The following PDIA4 variants were observed in gnomAD, a reference collection of about 807,000 sequenced individuals.
The protein encoded by PDIA4 is protein disulfide isomerase family A member 4, also known as protein disulfide-isomerase A4.
Under a neutral mutation model 62.1 loss-of-function variants are expected in PDIA4, and 33 were observed. The observed-to-expected ratio is 0.53, with a 90% CI of 0.40 to 0.71. The LOEUF (loss-of-function observed/expected upper bound fraction) is 0.71. PDIA4 is among the 30% of genes least tolerant of loss of function. The pLI, the probability that PDIA4 is intolerant of heterozygous loss-of-function variation, is 0.00. For synonymous variants in PDIA4, 341 were observed against 324.1 expected (o/e 1.05, Z -0.56); for missense variants, 804 against 813.6 (o/e 0.99, Z 0.14).
At chr7:149,005,034 G>C in intron 9 of PDIA4, 107 bp downstream of exon 9, 1 of 808,042 alleles carries the variant, frequency 1.2e-6, no homozygotes, top group Admixed American at 1.8e-5. Context: ...CTGACTTAAG[G>C]GGGTGTCGTG....
In PDIA4 at chr7:149,021,756, C is replaced by T. The variant is rs142660561; in HGVS notation, c.89-609G>A. The stretch of plus-strand genomic sequence containing the variant: ...ACAGACTACCCTACCCTTCCAGAGT[C>T]GCGGCCCCCTGCCTTGCTCTGCAAA... On this transcript the variant is annotated intron_variant, in intron 1 of 9. Coordinates refer to ENST00000652332, the MANE Select transcript of PDIA4 (RefSeq NM_004911.5). Among the ~76,000 whole-genome samples, 91 of 152,246 alleles carry T rather than the reference C, an allele frequency of 6.0e-4. 2 individuals are homozygous for T. The highest frequency in any genetic ancestry group is 2.0e-3 in the African/African-American group (81 of 41,536).
chr7:149,023,891 C>G lies in PDIA4; in HGVS notation c.89-2744G>C, dbSNP rs141601075. 1.7e-3 allele frequency among the ~76,000 whole-genome samples: 260 copies of G among 152,276 alleles called. 2 individuals carry two copies. Among genetic ancestry groups the G allele is most frequent in the African/African-American group, 5.8e-3 (239 of 41,556 alleles). ...CAGAGCTCTCATGATTAAGTGGGAG[C>G]TGACTAGTCACCATGGGACACAGCA... On this transcript the variant is annotated intron_variant, in intron 1 of 9. Transcript: ENST00000652332.
chr7:149,004,078 C>T lies in PDIA4; in HGVS notation c.1654G>A (p.Ala552Thr), dbSNP rs746441871. 6.2e-6 allele frequency: 10 copies of T among 1,614,032 alleles called. No homozygotes were observed. Among genetic ancestry groups the T allele is most frequent in the South Asian group, 3.3e-5 (3 of 91,086 alleles). ...TGCTTGCAGTGCCCGCACCATGGCG[C>T]GTAGAACTCGATGAGGACGTCCTTC... ...PKKDVLIEFY[A>T]PWCGHCKQLE... The change falls in exon 10 of 10, where the codon GCG becomes ACG. Residue 552 changes from alanine to threonine, a missense_variant. Transcript: ENST00000652332.
At chr7:149,022,089 C>CA (rs1305023584) in intron 1 of PDIA4, among the ~76,000 whole-genome samples, 8 of 152,156 alleles carry the variant, frequency 5.3e-5, no homozygotes, top group Non-Finnish European at 7.3e-5. Flanking sequence ...AACAAGTACT[C>CA]AATCTTTTCA....
At chr7:149,009,548 G>A (rs1435883028) in intron 6 of PDIA4, among the ~76,000 whole-genome samples, 4 of 152,246 alleles carry the variant, frequency 2.6e-5, no homozygotes, top group Middle Eastern at 3.4e-3. Context: ...TCCGAATGAA[G>A]TTCTTTGGCT....
intron 2 of PDIA4, 31 bp from the exon 3 acceptor site, chr7:149,019,228 G>A (rs56932055): frequency 0.19 from 275,735 of 1,463,430 alleles, 27,473 homozygotes; most frequent in Middle Eastern, 0.28. Context: ...GGCAAAAAAC[G>A]TTAACTGTAC....
At chr7:149,018,951 G>A (rs762519137) in intron 3 of PDIA4, 41 bp downstream of exon 3, 49 of 1,461,988 alleles carry the variant, frequency 3.4e-5, no homozygotes, top group Admixed American at 5.1e-5. Flanking sequence ...CATTCCCTGC[G>A]GGAAGGAGTT....
chr7:149,016,440 A>C (rs1824142152), intron 3 of PDIA4, among the ~76,000 whole-genome samples: 1 of 152,172 alleles, frequency 6.6e-6, no homozygotes, highest in Admixed American at 6.5e-5. Flanking sequence ...AAATGAGAAA[A>C]TCTCTCTCAG....
At chr7:149,023,638 G>A (rs1236514635) in intron 1 of PDIA4, among the ~76,000 whole-genome samples, 5 of 151,980 alleles carry the variant, frequency 3.3e-5, no homozygotes, top group Admixed American at 2.6e-4. Context: ...GAGGAAGGTC[G>A]GAAATAATGC....
In PDIA4 at chr7:149,021,067, C is replaced by A. The variant is rs1191969751; in HGVS notation, c.169G>T (p.Glu57Ter). 6.2e-7 allele frequency: 1 copy of A among 1,614,070 alleles called. No individual in the cohort carries two copies. Among genetic ancestry groups the A allele is most frequent in the Admixed American group, 1.7e-5 (1 of 60,020 alleles). Residue 57 changes from glutamate to a stop codon, truncating the protein, a stop_gained, in exon 2 of 10, where the codon GAA becomes TAA. Transcript: ENST00000652332. LOFTEE classifies it high-confidence loss of function. ...EDDDEEEDDL[E>*]VKEENGVLVL... The stretch of plus-strand genomic sequence containing the variant: ...AAGACTCCATTTTCTTCCTTAACTT[C>A]CAAGTCGTCTTCTTCCTCATCATCA...
At chr7:149,010,641 T>A (rs1823912607) in intron 6 of PDIA4, among the ~76,000 whole-genome samples, 1 of 152,140 alleles carries the variant, frequency 6.6e-6, no homozygotes, top group South Asian at 2.1e-4. Context: ...CCACAGACCC[T>A]TTCATCCCCC....
At chr7:149,014,612 C>T (rs553600804) in intron 4 of PDIA4, among the ~76,000 whole-genome samples, 1 of 152,296 alleles carries the variant, frequency 6.6e-6, no homozygotes, top group South Asian at 2.1e-4. Flanking sequence ...GCAGCTCAGA[C>T]CAGCCACTGT....
intron 4 of PDIA4, 31 bp downstream of exon 4, chr7:149,014,873 T>C (rs905913163): frequency 1.2e-6 from 2 of 1,611,322 alleles, no homozygotes; most frequent in East Asian, 2.2e-5. Flanking sequence ...ACCAGGGTAC[T>C]GAATATGGAA....
At chr7:149,018,890 A>C (rs930340544) in intron 3 of PDIA4, 102 bp downstream of exon 3, 10 of 506,434 alleles carry the variant, frequency 2.0e-5, no homozygotes, top group Non-Finnish European at 3.2e-5. Context: ...GGTTCCTGAG[A>C]AAGTCAGTCC....
intron 2 of PDIA4, among the ~76,000 whole-genome samples, chr7:149,020,092 C>T (rs1824289580): frequency 6.6e-6 from 1 of 152,142 alleles, no homozygotes. Context: ...TCCCGAATAG[C>T]CGGGACTACA....
rs1411825567 is a variant in PDIA4 at position 149,012,345 on chromosome 7, C to T, written c.630G>A (p.Lys210=). The T allele has an allele frequency of 6.2e-7, 1 of 1,613,260 alleles. No homozygotes were observed. Among genetic ancestry groups the T allele is most frequent in the Non-Finnish European group, 8.5e-7 (1 of 1,179,990 alleles). ...CCTTCTCATACTCGGGGGCAAGTTT[C>T]TTGCAGTGTCCACACCTGCCAAGAG... ...EFYAPWCGHC[K]KLAPEYEKAA... is the part of the protein sequence containing the mutation. Residue 210 remains lysine (K), a synonymous_variant, in exon 5 of 10, where the codon AAG becomes AAA. Transcript: ENST00000652332.
chr7:149,023,519 G>A (rs947762900), intron 1 of PDIA4, among the ~76,000 whole-genome samples: 4 of 151,952 alleles, frequency 2.6e-5, no homozygotes, highest in Non-Finnish European at 4.4e-5. Flanking sequence ...CAGGGGCCCC[G>A]GCTGGCAGTT....
chr7:149,011,562 G>A (rs1291858959), intron 6 of PDIA4, among the ~76,000 whole-genome samples: 1 of 152,188 alleles, frequency 6.6e-6, no homozygotes, highest in Non-Finnish European at 1.5e-5. Context: ...TCAGAGGCCG[G>A]CACCTTATGG....
intron 1 of PDIA4, among the ~76,000 whole-genome samples, chr7:149,023,931 CTTCT>C (rs1228365755): frequency 6.6e-6 from 1 of 152,154 alleles, no homozygotes; most frequent in Non-Finnish European, 1.5e-5. Context: ...TAAGAGGCAA[CTTCT>C]TTCTTGACCC....
Sources: gnomAD v4.1 joint callset for allele counts (sites outside exome capture counted in the v4.1 genomes callset) on GRCh38, gnomAD v4.1.1 for gene constraint, MANE v1.5 for transcripts, NCBI Gene and HGNC (gene_info 2026-07-23, HGNC 2026-07-21) for gene names.